Variants in SPHKAP observed in about 807,000 individuals in gnomAD.
SPHKAP encodes A-kinase anchor protein SPHKAP.
A neutral mutation model predicts 137.5 loss-of-function variants in SPHKAP; 67 were observed. The observed-to-expected ratio is 0.49, with a 90% confidence interval of 0.40 to 0.60. The LOEUF (loss-of-function observed/expected upper bound fraction) is 0.60. SPHKAP is among the 20% of genes least tolerant of loss of function. The probability of loss-of-function intolerance (pLI) is 0.00; values close to 1 mark genes in which losing one functional copy is unlikely to be tolerated. For synonymous variants in SPHKAP, 813 were observed against 785.3 expected (o/e 1.04, Z -0.59); for missense variants, 2,097 against 2,069.3 (o/e 1.01, Z -0.26).
intron 3 of SPHKAP, among the ~76,000 whole-genome samples, chr2:228,098,282 C>G (rs544312638): frequency 6.6e-6 from 1 of 152,150 alleles, no homozygotes; most frequent in Admixed American, 6.5e-5. Context: ...TGTATGTCTT[C>G]TTTTAAGAAG....
chr2:227,985,459 A>G (rs1693178720), intron 11 of SPHKAP, among the ~76,000 whole-genome samples: 1 of 152,224 alleles, frequency 6.6e-6, no homozygotes. Flanking sequence ...TATTTAGCAG[A>G]AAGTCCTAGA....
chr2:228,071,057 C>T (rs73096670), intron 3 of SPHKAP, among the ~76,000 whole-genome samples: 2,819 of 152,190 alleles, frequency 0.019, 85 homozygotes, highest in African/African-American at 0.062. Context: ...GAAGAAGGGA[C>T]CTCATTGTCT....
At position 228,035,631 on chromosome 2, in the gene SPHKAP, T is replaced by A. The variant is rs1382244803; in HGVS notation, c.247-8088A>T. Among the ~76,000 whole-genome samples the A allele has an allele frequency of 2.4e-4, 36 of 152,136 alleles. No homozygotes were observed. In the East Asian group the frequency reaches 5.6e-3, roughly 24 times the overall value. On this transcript the variant is annotated intron_variant, in intron 3 of 11. Coordinates refer to ENST00000392056, the MANE Select transcript of SPHKAP (RefSeq NM_001142644.2). ...GCATCACACTGCCTGACTTCAAACT[T>A]TACTACAAGGCTACAGTAACCAAAA...
intron 1 of SPHKAP, among the ~76,000 whole-genome samples, chr2:228,166,431 C>T (rs4641922): frequency 0.34 from 51,928 of 151,892 alleles, 10,231 homozygotes; most frequent in South Asian, 0.54. Flanking sequence ...AAGTTTTATG[C>T]GCCCACACAT....
intron 1 of SPHKAP, among the ~76,000 whole-genome samples, chr2:228,170,793 C>T (rs4364010): frequency 0.13 from 20,494 of 152,004 alleles, 1,386 homozygotes; most frequent in East Asian, 0.2. Flanking sequence ...TTGTATTTTT[C>T]TGGAACCAAG....
chr2:227,989,770 T>C (rs898302143), intron 11 of SPHKAP, among the ~76,000 whole-genome samples: 1 of 109,258 alleles, frequency 9.2e-6, no homozygotes, highest in Non-Finnish European at 1.9e-5. Flanking sequence ...CATGCCTGGC[T>C]AATTTTTGTT....
intron 3 of SPHKAP, among the ~76,000 whole-genome samples, chr2:228,058,105 T>A (rs1696507824): frequency 6.6e-6 from 1 of 152,196 alleles, no homozygotes; most frequent in Admixed American, 6.5e-5. Context: ...TTTTTGTTCC[T>A]GCTGACTGCT....
At chr2:228,071,656 C>T (rs1342400300) in intron 3 of SPHKAP, among the ~76,000 whole-genome samples, 1 of 152,118 alleles carries the variant, frequency 6.6e-6, no homozygotes, top group Non-Finnish European at 1.5e-5. Context: ...GGTGGTATAG[C>T]TGCAGTGATG....
intron 3 of SPHKAP, among the ~76,000 whole-genome samples, chr2:228,037,730 T>C (rs753166269): frequency 1.1e-4 from 17 of 152,154 alleles, no homozygotes; most frequent in Non-Finnish European, 1.9e-4. Context: ...AGTTAAAATA[T>C]CTTACTTTGA....
intron 3 of SPHKAP, among the ~76,000 whole-genome samples, chr2:228,102,160 T>C (rs545363215): frequency 3.9e-4 from 60 of 152,342 alleles, no homozygotes; most frequent in African/African-American, 1.4e-3. Context: ...ACTTTGCTAC[T>C]GGAATTTTCA....
chr2:228,116,002 G>T (rs1698698458), intron 2 of SPHKAP, among the ~76,000 whole-genome samples: 1 of 152,132 alleles, frequency 6.6e-6, no homozygotes, highest in African/African-American at 2.4e-5. Flanking sequence ...ATGGCAAAAA[G>T]GCACCATCTA....
intron 3 of SPHKAP, among the ~76,000 whole-genome samples, chr2:228,066,784 A>G (rs1238627811): frequency 6.6e-6 from 1 of 152,176 alleles, no homozygotes; most frequent in Non-Finnish European, 1.5e-5. Flanking sequence ...TCCATGATAA[A>G]TTTTCATTAC....
At chr2:228,145,330 A>G (rs1574892369) in intron 1 of SPHKAP, among the ~76,000 whole-genome samples, 1 of 152,298 alleles carries the variant, frequency 6.6e-6, no homozygotes, top group South Asian at 2.1e-4. Context: ...CCTTTGTTCG[A>G]TTTACTGTCC....
At chr2:228,106,391 TC>T (rs896246689) in intron 3 of SPHKAP, among the ~76,000 whole-genome samples, 2 of 152,046 alleles carry the variant, frequency 1.3e-5, no homozygotes, top group Non-Finnish European at 2.9e-5. Context: ...TGGAGCTGGG[TC>T]CCCCCAGAGT....
At chr2:228,171,770 C>G (rs1004554932) in intron 1 of SPHKAP, among the ~76,000 whole-genome samples, 5 of 152,132 alleles carry the variant, frequency 3.3e-5, no homozygotes, top group African/African-American at 1.2e-4. Context: ...GGAACTGGGT[C>G]TTTCTTACTC....
At chr2:227,997,036 C>T (rs1693663640) in intron 7 of SPHKAP, among the ~76,000 whole-genome samples, 1 of 152,112 alleles carries the variant, frequency 6.6e-6, no homozygotes, top group Admixed American at 6.5e-5. Context: ...TATAGTGCAC[C>T]AGCCTTCCAA....
chr2:228,080,209 T>C (rs1697318598), intron 3 of SPHKAP, among the ~76,000 whole-genome samples: 1 of 152,132 alleles, frequency 6.6e-6, no homozygotes, highest in South Asian at 2.1e-4. Context: ...TGGGAGAACA[T>C]ATTTGCAGAT....
rs201290790 is a variant in SPHKAP, at chr2:228,019,427, G to A, written c.1427C>T (p.Ser476Phe). 1 of 1,614,192 alleles carries A rather than the reference G, an allele frequency of 6.2e-7. No homozygotes were observed. Among genetic ancestry groups the A allele is most frequent in the East Asian group, 2.2e-5 (1 of 44,868 alleles). The change falls in exon 7 of 12, where the codon TCT becomes TTT. Residue 476 changes from serine (S) to phenylalanine (F), a missense_variant. Coordinates refer to ENST00000392056, the MANE Select transcript of SPHKAP (RefSeq NM_001142644.2). Reference protein sequence around the residue: ...GISSWPEMEVSVETSSILSGE... With the variant: ...GISSWPEMEVFVETSSILSGE... ...AGAGAGGATGCTTGAGGTTTCAACA[G>A]AGACTTCCATCTCAGGCCAGGAGGA...
At chr2:228,159,939 C>T (rs941744454) in intron 1 of SPHKAP, among the ~76,000 whole-genome samples, 8 of 152,220 alleles carry the variant, frequency 5.3e-5, no homozygotes, top group African/African-American at 1.7e-4. Flanking sequence ...TGTTCTGGGG[C>T]TAGGAGCCTG....
Sources: allele counts gnomAD v4.1 joint callset (sites outside exome capture counted in the v4.1 genomes callset), GRCh38; gene constraint gnomAD v4.1.1; transcripts MANE v1.5; gene names NCBI Gene and HGNC (gene_info 2026-07-23, HGNC 2026-07-21).